Variants in COPS8 observed in about 807,000 individuals in gnomAD.
The protein encoded by COPS8 is COP9 signalosome complex subunit 8.
COPS8 carries 11 observed loss-of-function variants against 31.5 expected under a neutral mutation model. That is an observed-to-expected ratio of 0.35 (90% CI 0.22 to 0.58). The LOEUF (loss-of-function observed/expected upper bound fraction) is 0.58. COPS8 is among the 20% of genes least tolerant of loss of function. The probability of loss-of-function intolerance (pLI) is 0.83; values close to 1 mark genes in which losing one functional copy is unlikely to be tolerated. For missense variants in COPS8, 215 were observed against 255.1 expected (o/e 0.84, Z 1.07); for synonymous variants, 81 against 89.3 (o/e 0.91, Z 0.52).
chr2:237,095,606 A>G (rs1696785792), intron 5 of COPS8, among the ~76,000 whole-genome samples: 1 of 152,194 alleles, frequency 6.6e-6, no homozygotes. Context: ...GATTATAGCA[A>G]CCTAATAGAG....
intron 2 of COPS8, chr2:237,087,446 C>T (rs190129332): frequency 4.5e-5 from 22 of 494,212 alleles, no homozygotes; most frequent in Admixed American, 7.4e-5. Flanking sequence ...ATTCATTTAA[C>T]CTTTTTGTCT....
At chr2:237,097,338 CAAG>C (rs1391178089) in intron 7 of COPS8, among the ~76,000 whole-genome samples, 2 of 143,960 alleles carry the variant, frequency 1.4e-5, no homozygotes, top group African/African-American at 5.1e-5. Context: ...AGGATGTTTT[CAAG>C]AAGAGCTGTG....
At chr2:237,086,982 A>G in intron 1 of COPS8, 145 bp from the exon 2 acceptor site, 2 of 574,466 alleles carry the variant, frequency 3.5e-6, no homozygotes, top group Non-Finnish European at 5.9e-6. Context: ...ATAGGACTAT[A>G]AGATTACTTA....
chr2:237,093,281 A>G (rs1230251611), intron 4 of COPS8, among the ~76,000 whole-genome samples: 3 of 152,202 alleles, frequency 2.0e-5, no homozygotes, highest in East Asian at 3.8e-4. Context: ...GATTTTAAAT[A>G]TGTTAGGGTG....
intron 4 of COPS8, among the ~76,000 whole-genome samples, chr2:237,092,438 T>C (rs1216107159): frequency 6.6e-6 from 1 of 152,232 alleles, no homozygotes; most frequent in East Asian, 1.9e-4. Context: ...TCCTGTTTTA[T>C]TCCCCACTCT....
At chr2:237,096,716 A>G in intron 6 of COPS8, 106 bp from the exon 7 acceptor site, 1 of 816,622 alleles carries the variant, frequency 1.2e-6, no homozygotes, top group Non-Finnish European at 2.0e-6. Context: ...CTGTTTGAGA[A>G]ATAAATGGCC....
intron 1 of COPS8, 46 bp downstream of exon 1, chr2:237,086,088 G>T (rs1163928685): frequency 2.6e-6 from 4 of 1,541,492 alleles, no homozygotes. Flanking sequence ...GTAGTCTTAG[G>T]CCCTGGGGCG....
intron 4 of COPS8, 49 bp downstream of exon 4, chr2:237,090,043 T>C (rs200763007): frequency 2.1e-5 from 34 of 1,588,126 alleles, no homozygotes; most frequent in Non-Finnish European, 2.8e-5. Context: ...ACTTAGTCCC[T>C]AAGTGCTGCA....
At chr2:237,090,737 C>G (rs1011802006) in intron 4 of COPS8, among the ~76,000 whole-genome samples, 1 of 152,160 alleles carries the variant, frequency 6.6e-6, no homozygotes, top group African/African-American at 2.4e-5. Flanking sequence ...GGGCAGCAGA[C>G]AGCAGAGATT....
chr2:237,096,782 C>T (rs773296276), intron 6 of COPS8, 40 bp from the exon 7 acceptor site: 1 of 1,514,450 alleles, frequency 6.6e-7, no homozygotes, highest in East Asian at 2.2e-5. Flanking sequence ...TTTACAATGA[C>T]TTCTGTAAAT....
chr2:237,092,549 A>T (rs1696725043), intron 4 of COPS8, among the ~76,000 whole-genome samples: 1 of 149,674 alleles, frequency 6.7e-6, no homozygotes. Context: ...TACTTCTCTA[A>T]AAAAAAAAAG....
chr2:237,093,020 G>T (rs1309029736), intron 4 of COPS8, among the ~76,000 whole-genome samples: 1 of 152,316 alleles, frequency 6.6e-6, no homozygotes, highest in East Asian at 1.9e-4. Flanking sequence ...GTAGTGGAAA[G>T]TTGCTTGTTA....
At chr2:237,086,160 C>T (rs1188073949) in intron 1 of COPS8, 118 bp downstream of exon 1, 40 of 974,326 alleles carry the variant, frequency 4.1e-5, no homozygotes, top group South Asian at 1.1e-4. Flanking sequence ...ACGGGGCGGG[C>T]GTGGGAGGTG....
At position 237,094,087 on chromosome 2, in the gene COPS8, T is replaced by G. The variant is rs1250909495; in HGVS notation, c.332-3T>G. On this transcript the variant is annotated splice_polypyrimidine_tract_variant and splice_region_variant and intron_variant, in intron 4 of 7. Transcript: ENST00000354371. ...CTCTGCCAACCCACCACTCCCACAATAGATGCAACAAGGAGACGCGCCTTT... is the reference window on the plus strand; with the variant it reads ...CTCTGCCAACCCACCACTCCCACAAGAGATGCAACAAGGAGACGCGCCTTT... 1.2e-6 allele frequency: 2 copies of G among 1,612,702 alleles called. No individual in the cohort carries two copies. The highest frequency in any genetic ancestry group is 1.7e-6 in the Non-Finnish European group (2 of 1,179,450).
intron 1 of COPS8, chr2:237,086,835 G>A: frequency 1.9e-6 from 1 of 527,308 alleles, no homozygotes; most frequent in Non-Finnish European, 2.5e-6. Flanking sequence ...ACTGGGGAAG[G>A]GGATCCACTT....
intron 4 of COPS8, among the ~76,000 whole-genome samples, chr2:237,091,040 C>T (rs567412412): frequency 4.4e-4 from 67 of 152,260 alleles, no homozygotes; most frequent in Admixed American, 1.2e-3. Flanking sequence ...TGTGGTGGGG[C>T]GGTCACAGGC....
intron 5 of COPS8, 82 bp from the exon 6 acceptor site, chr2:237,095,740 A>G (rs1038154018): frequency 4.9e-5 from 44 of 904,406 alleles, no homozygotes; most frequent in Admixed American, 8.9e-5. Context: ...GGTCTTCTGT[A>G]CAACTAATGT....
intron 5 of COPS8, 45 bp from the exon 6 acceptor site, chr2:237,095,777 G>A: frequency 7.7e-7 from 1 of 1,294,772 alleles, no homozygotes; most frequent in Non-Finnish European, 1.1e-6. Context: ...ATTTTGTGGG[G>A]TGTTTTATTC....
intron 4 of COPS8, among the ~76,000 whole-genome samples, chr2:237,090,273 ATAT>A (rs1224382801): frequency 2.0e-5 from 3 of 152,172 alleles, no homozygotes; most frequent in Non-Finnish European, 4.4e-5. Context: ...AGATCTTGTA[ATAT>A]TCTAATAAGT....
Sources: allele counts gnomAD v4.1 joint callset (sites outside exome capture counted in the v4.1 genomes callset), GRCh38; gene constraint gnomAD v4.1.1; transcripts MANE v1.5; gene names NCBI Gene and HGNC (gene_info 2026-07-23, HGNC 2026-07-21).